The following NRG1 variants were observed in gnomAD, a reference collection of about 807,000 sequenced individuals.
NRG1 encodes the protein neuregulin 1, also known as pro-neuregulin-1, membrane-bound isoform.
NRG1 carries 18 observed loss-of-function variants against 63.8 expected under a neutral mutation model. The observed-to-expected ratio is 0.28, with a 90% CI of 0.19 to 0.42. The LOEUF is 0.42. Ranked by LOEUF, NRG1 falls within the 10% of genes least tolerant of loss-of-function variation. The pLI is 1.00. For synonymous variants in NRG1, 302 were observed against 301.3 expected, an observed-to-expected ratio of 1.00 and a Z score of -0.02; for missense variants, 762 against 814.7, an observed-to-expected ratio of 0.94 and a Z score of 0.79.
At chr8:32,709,368 A>G (rs1432812558) in intron 5 of NRG1, among the ~76,000 whole-genome samples, 1 of 152,006 alleles carries the variant, frequency 6.6e-6, no homozygotes, top group East Asian at 1.9e-4. Context: ...TATTTTGAAC[A>G]AATCTGTGAC....
rs577858428 is a variant in NRG1, at chr8:32,199,590, T to C, written c.38-396238T>C. ...GATTGGTATTTGAGCTAAACATAAA[T>C]TAGAGATTGAAAGTCATTTCTCTTC... On this transcript the variant is annotated intron_variant, in intron 1 of 10. Transcript: ENST00000519301. Among the ~76,000 whole-genome samples the C allele has an allele frequency of 2.0e-5, 3 of 152,314 alleles. No homozygotes were observed. In the South Asian group the frequency reaches 6.2e-4, roughly 32 times the overall value.
intron 1 of NRG1, among the ~76,000 whole-genome samples, chr8:31,959,208 G>C (rs932646944): frequency 1.3e-5 from 2 of 152,094 alleles, no homozygotes; most frequent in Admixed American, 1.3e-4. Context: ...TCTGTGTCTT[G>C]AAAAGTTCTG....
chr8:31,753,805 A>G (rs1816711013), intron 1 of NRG1, among the ~76,000 whole-genome samples: 1 of 152,056 alleles, frequency 6.6e-6, no homozygotes, highest in Non-Finnish European at 1.5e-5. Flanking sequence ...TATTGCAGCA[A>G]TATCAGCAAC....
intron 1 of NRG1, among the ~76,000 whole-genome samples, chr8:32,263,845 T>C (rs1850637442): frequency 6.6e-6 from 1 of 152,130 alleles, no homozygotes. Flanking sequence ...GTCCAAAAGA[T>C]TTATTTCAAA....
intron 1 of NRG1, among the ~76,000 whole-genome samples, chr8:32,468,592 A>C (rs1823363742): frequency 6.6e-6 from 1 of 152,122 alleles, no homozygotes; most frequent in African/African-American, 2.4e-5. Flanking sequence ...ATATAAACTT[A>C]TATATGTTCT....
At chr8:31,830,911 C>T (rs956326562) in intron 1 of NRG1, among the ~76,000 whole-genome samples, 1 of 152,120 alleles carries the variant, frequency 6.6e-6, no homozygotes, top group East Asian at 1.9e-4. Context: ...TACCACCATC[C>T]ACTTTACAGC....
At chr8:32,180,735 C>T (rs1460377723) in intron 1 of NRG1, among the ~76,000 whole-genome samples, 2 of 152,096 alleles carry the variant, frequency 1.3e-5, no homozygotes, top group Non-Finnish European at 2.9e-5. Flanking sequence ...TATGCATTAG[C>T]TCACATAGTT....
At chr8:32,339,604 G>A (rs1387670896) in intron 1 of NRG1, among the ~76,000 whole-genome samples, 2 of 152,174 alleles carry the variant, frequency 1.3e-5, no homozygotes, top group Non-Finnish European at 2.9e-5. Context: ...TCATATGTTA[G>A]ACACTGTGCT....
At chr8:32,587,251 T>C (rs1000270213) in intron 1 of NRG1, among the ~76,000 whole-genome samples, 2 of 152,068 alleles carry the variant, frequency 1.3e-5, no homozygotes, top group African/African-American at 4.8e-5. Context: ...GTAATGTGCT[T>C]TTCTTGCAAT....
intron 1 of NRG1, among the ~76,000 whole-genome samples, chr8:31,789,477 A>G (rs1031335559): frequency 6.6e-6 from 1 of 152,212 alleles, no homozygotes; most frequent in Non-Finnish European, 1.5e-5. Context: ...CAAATGTAAA[A>G]TTATATAACT....
At chr8:32,343,431 C>T (rs1384441956) in intron 1 of NRG1, among the ~76,000 whole-genome samples, 3 of 152,168 alleles carry the variant, frequency 2.0e-5, no homozygotes, top group Non-Finnish European at 2.9e-5. Flanking sequence ...TCTAGACTAA[C>T]AAATGTTTTA....
At chr8:32,481,308 C>T (rs1402204324) in intron 1 of NRG1, among the ~76,000 whole-genome samples, 1 of 151,966 alleles carries the variant, frequency 6.6e-6, no homozygotes, top group Admixed American at 6.6e-5. Flanking sequence ...CACTGCACAC[C>T]AGCCTGGGTA....
chr8:31,869,554 T>C (rs1423255168), intron 1 of NRG1, among the ~76,000 whole-genome samples: 2 of 152,214 alleles, frequency 1.3e-5, no homozygotes, highest in Non-Finnish European at 2.9e-5. Flanking sequence ...GGCTTTGTTA[T>C]CTACTCCATG....
chr8:32,471,867 T>C (rs1823894467), intron 1 of NRG1, among the ~76,000 whole-genome samples: 1 of 152,204 alleles, frequency 6.6e-6, no homozygotes, highest in Admixed American at 6.5e-5. Context: ...TTAGGGCTGG[T>C]GCTCAAAATA....
chr8:32,196,943 CTTT>C (rs773398472), intron 1 of NRG1, among the ~76,000 whole-genome samples: 22 of 27,440 alleles, frequency 8.0e-4, no homozygotes, highest in African/African-American at 1.7e-3. Context: ...TCAGAACATT[CTTT>C]TTTTTTTTTT....
At chr8:32,336,371 A>C (rs987657659) in intron 1 of NRG1, among the ~76,000 whole-genome samples, 1 of 152,184 alleles carries the variant, frequency 6.6e-6, no homozygotes, top group Non-Finnish European at 1.5e-5. Context: ...AGGTGTGGTC[A>C]GGGGATTCCC....
chr8:31,755,131 T>G (rs1415641248), intron 1 of NRG1, among the ~76,000 whole-genome samples: 1 of 152,116 alleles, frequency 6.6e-6, no homozygotes, highest in Non-Finnish European at 1.5e-5. Flanking sequence ...CTCTGGGCAT[T>G]CTGCCCACTA....
chr8:31,658,149 A>G (rs890219702), intron 1 of NRG1, among the ~76,000 whole-genome samples: 3 of 152,154 alleles, frequency 2.0e-5, no homozygotes, highest in African/African-American at 7.2e-5. Flanking sequence ...TTGTATCTCT[A>G]CCCTACGCTG....
At chr8:32,057,521 G>A (rs750596619) in intron 1 of NRG1, among the ~76,000 whole-genome samples, 6 of 152,096 alleles carry the variant, frequency 3.9e-5, no homozygotes, top group Non-Finnish European at 8.8e-5. Context: ...GTGTGAATTT[G>A]TCAAAACAAG....
Sources: allele counts gnomAD v4.1 joint callset (sites outside exome capture counted in the v4.1 genomes callset), GRCh38; gene constraint gnomAD v4.1.1; transcripts MANE v1.5; gene names NCBI Gene and HGNC (gene_info 2026-07-23, HGNC 2026-07-21).